Variants in ACVR1C observed in about 807,000 individuals in gnomAD.
ACVR1C encodes the protein activin receptor type-1C.
In ACVR1C, 23 loss-of-function variants were observed where a neutral mutation model predicts 57.9. That is an observed-to-expected ratio of 0.40 (90% CI 0.29 to 0.56). The LOEUF (loss-of-function observed/expected upper bound fraction) is 0.56. Ranked by LOEUF, ACVR1C falls within the 20% of genes least tolerant of loss-of-function variation. The pLI is 0.50. For synonymous variants in ACVR1C, 214 were observed against 215.3 expected (o/e 0.99, Z 0.05); for missense variants, 480 against 607.9 (o/e 0.79, Z 2.21).
chr2:157,554,256 A>AAGG (rs1558975046), intron 3 of ACVR1C, among the ~76,000 whole-genome samples: 2 of 130,428 alleles, frequency 1.5e-5, no homozygotes, highest in Non-Finnish European at 3.2e-5. Context: ...AGAAAGAAAG[A>AAGG]AAGAAAGAAA....
intron 1 of ACVR1C, among the ~76,000 whole-genome samples, chr2:157,609,923 C>A (rs1682493292): frequency 1.3e-5 from 2 of 151,974 alleles, no homozygotes; most frequent in African/African-American, 4.8e-5. Flanking sequence ...CAGTCTGTAT[C>A]TTTCAAGTAG....
intron 2 of ACVR1C, among the ~76,000 whole-genome samples, chr2:157,564,676 T>C (rs541702344): frequency 3.3e-5 from 5 of 152,270 alleles, no homozygotes; most frequent in Non-Finnish European, 7.3e-5. Flanking sequence ...TACAGCACTA[T>C]TTACAATAGC....
intron 2 of ACVR1C, among the ~76,000 whole-genome samples, chr2:157,578,075 A>T (rs1210014510): frequency 1.3e-5 from 2 of 151,832 alleles, no homozygotes. Flanking sequence ...ACTAATTTTT[A>T]AAAAATTTTT....
rs1418069209 is a variant in ACVR1C, at chr2:157,603,361, C to T, written c.74-15944G>A. On this transcript the variant is annotated intron_variant, in intron 1 of 8. Transcript: ENST00000243349. ...GAGAAGATAATCAAGAAAATGCTGACTGCCCACTATGTGCATGGCACTGTA... is the reference window on the plus strand; with the variant it reads ...GAGAAGATAATCAAGAAAATGCTGATTGCCCACTATGTGCATGGCACTGTA... 2.6e-5 allele frequency among the ~76,000 whole-genome samples: 4 copies of T among 152,148 alleles called. No individual in the cohort carries two copies. The East Asian group carries it at 7.7e-4, about 29-fold the overall frequency.
chr2:157,539,170 A>G (rs1331183537), intron 7 of ACVR1C, among the ~76,000 whole-genome samples: 1 of 152,052 alleles, frequency 6.6e-6, no homozygotes, highest in Non-Finnish European at 1.5e-5. Flanking sequence ...ATATTTTCCC[A>G]TCAGATAACT....
intron 2 of ACVR1C, among the ~76,000 whole-genome samples, chr2:157,565,059 G>A (rs1688329797): frequency 1.3e-5 from 2 of 152,002 alleles, no homozygotes; most frequent in South Asian, 4.2e-4. Flanking sequence ...AAGCACCATG[G>A]CACACGTATA....
chr2:157,599,314 C>CAAAAAAAAA lies in ACVR1C; in HGVS notation c.74-11906_74-11898dup, dbSNP rs60182304. Among the ~76,000 whole-genome samples, 28 of 40,608 alleles carry CAAAAAAAAA rather than the reference C, an allele frequency of 6.9e-4. 1 individual carries two copies. Among genetic ancestry groups the CAAAAAAAAA allele is most frequent in the Non-Finnish European group, 8.7e-4 (21 of 24,082 alleles). 26.6% of individuals were successfully genotyped at this position (40,608 alleles called of 152,430 possible). ...GCGCCACTGCACTACAGCCTGGGCT[C>CAAAAAAAAA]AAAAAAAAAAAAAAAAAAAAAAAAA... On this transcript the variant is annotated intron_variant, in intron 1 of 8. Coordinates refer to ENST00000243349, the MANE Select transcript of ACVR1C (RefSeq NM_145259.3).
At chr2:157,580,728 G>A (rs766805747) in intron 2 of ACVR1C, among the ~76,000 whole-genome samples, 81 of 152,156 alleles carry the variant, frequency 5.3e-4, no homozygotes, top group Non-Finnish European at 9.6e-4. Context: ...GGAGGCATCT[G>A]CCAGCTCTTG....
chr2:157,587,509 A>G (rs1415728523), intron 1 of ACVR1C, 92 bp from the exon 2 acceptor site: 4 of 983,746 alleles, frequency 4.1e-6, no homozygotes, highest in Non-Finnish European at 4.6e-6. Context: ...AATCTTAATG[A>G]AAATGGAAAA....
intron 1 of ACVR1C, among the ~76,000 whole-genome samples, chr2:157,597,994 A>G (rs1682178761): frequency 2.0e-5 from 3 of 152,170 alleles, no homozygotes; most frequent in Admixed American, 2.0e-4. Context: ...GAAACTGATA[A>G]TTAAGCCCCT....
Position 157,538,629 on chromosome 2 carries a change from C to T in ACVR1C, c.1300G>A (p.Val434Ile), listed in dbSNP as rs777072238. 1.3e-6 allele frequency: 2 copies of T among 1,586,678 alleles called. No individual in the cohort carries two copies. Among genetic ancestry groups the T allele is most frequent in the Non-Finnish European group, 1.7e-6 (2 of 1,166,750 alleles). ...SDPSIEEMRK[V>I]VCDQKFRPSI... ...GGTCGAAACTTCTGGTCACAAACAACCTTTCTCATTTCCTCTATCGAGGGA... is the reference window on the plus strand; with the variant it reads ...GGTCGAAACTTCTGGTCACAAACAATCTTTCTCATTTCCTCTATCGAGGGA... Residue 434 changes from valine (V) to isoleucine (I), a missense_variant, in exon 8 of 9, where the codon GTT becomes ATT. Transcript: ENST00000243349.
intron 8 of ACVR1C, among the ~76,000 whole-genome samples, chr2:157,537,063 T>C (rs1017483938): frequency 5.3e-5 from 8 of 152,128 alleles, no homozygotes; most frequent in African/African-American, 1.9e-4. Context: ...GCTACACATA[T>C]ATAATGGAGA....
At chr2:157,589,618 C>T (rs1472859547) in intron 1 of ACVR1C, among the ~76,000 whole-genome samples, 1 of 151,866 alleles carries the variant, frequency 6.6e-6, no homozygotes, top group East Asian at 1.9e-4. Flanking sequence ...AAGCAATCTA[C>T]AGATTCAGTG....
chr2:157,579,546 T>C (rs989355991), intron 2 of ACVR1C, among the ~76,000 whole-genome samples: 4 of 152,246 alleles, frequency 2.6e-5, no homozygotes, highest in African/African-American at 9.6e-5. Context: ...GTTTGCCTTT[T>C]GTTTCTTTAC....
chr2:157,611,105 T>C (rs1682522151), intron 1 of ACVR1C, among the ~76,000 whole-genome samples: 1 of 152,214 alleles, frequency 6.6e-6, no homozygotes. Context: ...TTAATGTTTC[T>C]TGTGTTCTTA....
chr2:157,533,733 G>C lies in ACVR1C; in HGVS notation c.*185C>G. 2.6e-6 allele frequency: 1 copy of C among 388,982 alleles called. No individual in the cohort carries two copies. Among genetic ancestry groups the C allele is most frequent in the South Asian group, 1.2e-4 (1 of 8,468 alleles). The allele number at this position is 388,982 out of a possible 1,614,324, so 24.1% of individuals were successfully genotyped here. On this transcript the variant is annotated 3_prime_UTR_variant, in exon 9 of 9. Transcript: ENST00000243349. ...AAAATTAAACATAACATAGAGATTG[G>C]ATGAAGTCAACTCCTGCCCATGCTT...
intron 2 of ACVR1C, among the ~76,000 whole-genome samples, chr2:157,562,300 A>AT (rs2105230740): frequency 8.1e-6 from 1 of 123,116 alleles, no homozygotes; most frequent in East Asian, 2.0e-4. Flanking sequence ...TCTCAAAAAA[A>AT]AAAAAATATA....
At chr2:157,593,934 A>G (rs897266372) in intron 1 of ACVR1C, among the ~76,000 whole-genome samples, 4 of 152,222 alleles carry the variant, frequency 2.6e-5, no homozygotes, top group Admixed American at 6.5e-5. Context: ...AAAAAAATTC[A>G]GAACTCCACA....
chr2:157,615,709 T>G (rs570924897), intron 1 of ACVR1C, among the ~76,000 whole-genome samples: 1 of 152,332 alleles, frequency 6.6e-6, no homozygotes, highest in Non-Finnish European at 1.5e-5. Context: ...AAACTTCATG[T>G]AGTATGGAAT....
Sources: allele counts gnomAD v4.1 joint callset (sites outside exome capture counted in the v4.1 genomes callset), GRCh38; gene constraint gnomAD v4.1.1; transcripts MANE v1.5; gene names NCBI Gene and HGNC (gene_info 2026-07-23, HGNC 2026-07-21).